The following C12orf54 variants were observed in gnomAD, a reference collection of about 807,000 sequenced individuals.
C12orf54 encodes the protein uncharacterized protein C12orf54.
C12orf54 carries 24 observed loss-of-function variants against 26.4 expected under a neutral mutation model. That is an observed-to-expected ratio of 0.91 (90% CI 0.66 to 1.28). The LOEUF (loss-of-function observed/expected upper bound fraction) is 1.28, where lower values mean the gene tolerates loss of function less well. Among genes scored for constraint, C12orf54 ranks in the 50% most tolerant of loss-of-function variants. C12orf54 has a pLI of 0.00. For missense variants in C12orf54, 154 were observed against 150.9 expected, an observed-to-expected ratio of 1.02 and a Z score of -0.11; for synonymous variants, 54 against 47.0, an observed-to-expected ratio of 1.15 and a Z score of -0.61.
the C12orf54 span, among the ~76,000 whole-genome samples, chr12:48,462,329 A>T: frequency 6.6e-6 from 1 of 151,626 alleles, no homozygotes; most frequent in Non-Finnish European, 1.5e-5. Context: ...ATAATAAATA[A>T]TAAAAAATAA....
chr12:48,425,124 G>T, the C12orf54 span, among the ~76,000 whole-genome samples: 2 of 151,992 alleles, frequency 1.3e-5, no homozygotes, highest in African/African-American at 2.4e-5. Flanking sequence ...GTGCAGGTTT[G>T]TTATATAGGT....
chr12:48,455,873 A>T, the C12orf54 span, among the ~76,000 whole-genome samples: 2 of 152,224 alleles, frequency 1.3e-5, no homozygotes, highest in African/African-American at 4.8e-5. Context: ...CAGTTGCCTT[A>T]TTTATAGAAC....
the C12orf54 span, among the ~76,000 whole-genome samples, chr12:48,421,335 A>AT: frequency 1.8e-5 from 1 of 56,136 alleles, no homozygotes; most frequent in African/African-American, 5.0e-5. Flanking sequence ...GGTGCCACAC[A>AT]TTTTTCAACA....
At chr12:48,468,609 T>A in the C12orf54 span, among the ~76,000 whole-genome samples, 1 of 152,190 alleles carries the variant, frequency 6.6e-6, no homozygotes, top group East Asian at 1.9e-4. Flanking sequence ...ATAAAGCTGT[T>A]ATGGTTATAT....
At chr12:48,438,612 C>A in the C12orf54 span, among the ~76,000 whole-genome samples, 1 of 152,170 alleles carries the variant, frequency 6.6e-6, no homozygotes, top group Non-Finnish European at 1.5e-5. Flanking sequence ...ATATCTACAA[C>A]TATCTGATCT....
At chr12:48,493,053 G>GT in intron 7 of C12orf54, 58 bp downstream of exon 7, 1 of 1,483,538 alleles carries the variant, frequency 6.7e-7, no homozygotes, top group South Asian at 1.1e-5. Flanking sequence ...GGATATGGGT[G>GT]TGCTGGCCAT....
At chr12:48,436,040 C>G in the C12orf54 span, among the ~76,000 whole-genome samples, 1 of 151,952 alleles carries the variant, frequency 6.6e-6, no homozygotes, top group Admixed American at 6.6e-5. Flanking sequence ...CACACATAGG[C>G]TCAAAATGAA....
the C12orf54 span, among the ~76,000 whole-genome samples, chr12:48,426,856 G>A: frequency 6.6e-6 from 1 of 152,010 alleles, no homozygotes; most frequent in South Asian, 2.1e-4. Context: ...GAATGGGATT[G>A]TATGGCTGAT....
chr12:48,452,237 G>A, the C12orf54 span, among the ~76,000 whole-genome samples: 1 of 152,030 alleles, frequency 6.6e-6, no homozygotes, highest in African/African-American at 2.4e-5. Context: ...AATGGGGAAA[G>A]GATTTCTTAT....
chr12:48,464,938 T>C, the C12orf54 span, among the ~76,000 whole-genome samples: 1 of 152,132 alleles, frequency 6.6e-6, no homozygotes, highest in Admixed American at 6.6e-5. Context: ...AAGACTTAAA[T>C]GTAAAACCCA....
At chr12:48,471,161 A>G in the C12orf54 span, among the ~76,000 whole-genome samples, 1 of 150,874 alleles carries the variant, frequency 6.6e-6, no homozygotes, top group Admixed American at 6.6e-5. Flanking sequence ...TATTGTTTTG[A>G]TTTTTAGATC....
upstream of C12orf54, among the ~76,000 whole-genome samples, chr12:48,477,943 G>GA (rs1002954969): frequency 2.1e-4 from 32 of 152,046 alleles, no homozygotes; most frequent in Admixed American, 2.0e-3. Context: ...AGACACAACC[G>GA]AAAAAGAGAA....
At chr12:48,473,198 G>A in the C12orf54 span, 4 of 1,340,448 alleles carry the variant, frequency 3.0e-6, no homozygotes, top group South Asian at 1.2e-5. Context: ...ATGAGGAGGA[G>A]TATGATGAAG....
chr12:48,414,358 C>A, the C12orf54 span, among the ~76,000 whole-genome samples: 1 of 152,200 alleles, frequency 6.6e-6, no homozygotes, highest in Admixed American at 6.5e-5. Context: ...AGAACTCACG[C>A]AGTTCTCCGG....
chr12:48,478,802 A>G (rs886232745), upstream of C12orf54, among the ~76,000 whole-genome samples: 2 of 152,242 alleles, frequency 1.3e-5, no homozygotes, highest in African/African-American at 4.8e-5. Flanking sequence ...AATGCAAATC[A>G]AAACCACAAT....
chr12:48,488,429 T>G, intron 4 of C12orf54: 1 of 426,470 alleles, frequency 2.3e-6, no homozygotes, highest in South Asian at 1.9e-5. Flanking sequence ...GATGTGGTCA[T>G]CTACCTCAGT....
the C12orf54 span, among the ~76,000 whole-genome samples, chr12:48,453,246 C>G: frequency 3.3e-5 from 5 of 152,028 alleles, no homozygotes; most frequent in African/African-American, 1.2e-4. Context: ...AACAGACAAC[C>G]AAACACCACA....
At chr12:48,480,896 T>C (rs919485760), upstream of C12orf54, among the ~76,000 whole-genome samples, 2 of 152,146 alleles carry the variant, frequency 1.3e-5, no homozygotes, top group Non-Finnish European at 2.9e-5. Flanking sequence ...TAAAAAATAA[T>C]GAAATTATAT....
At chr12:48,459,973 T>G in the C12orf54 span, among the ~76,000 whole-genome samples, 1 of 147,168 alleles carries the variant, frequency 6.8e-6, no homozygotes, top group Non-Finnish European at 1.5e-5. Context: ...CCCTCCAGAT[T>G]AAAAAGAGGC....
Sources: gnomAD v4.1 joint callset for allele counts (sites outside exome capture counted in the v4.1 genomes callset) on GRCh38, gnomAD v4.1.1 for gene constraint, MANE v1.5 for transcripts, NCBI Gene and HGNC (gene_info 2026-07-23, HGNC 2026-07-21) for gene names.